The following FRMD4A variants were observed in gnomAD, a reference collection of about 807,000 sequenced individuals.
The protein encoded by FRMD4A is FERM domain containing 4A.
In FRMD4A, 29 loss-of-function variants were observed where a neutral mutation model predicts 129.1. That is an observed-to-expected ratio of 0.22 (90% CI 0.17 to 0.31). FRMD4A has a LOEUF of 0.31. Among genes scored for constraint, FRMD4A ranks in the 10% least tolerant of loss-of-function variants. FRMD4A has a pLI of 1.00. For missense variants in FRMD4A, 1,272 were observed against 1,375.8 expected (o/e 0.92, Z 1.19); for synonymous variants, 634 against 571.6 (o/e 1.11, Z -1.56).
At chr10:14,157,737 A>G (rs1456310671) in intron 2 of FRMD4A, among the ~76,000 whole-genome samples, 1 of 152,212 alleles carries the variant, frequency 6.6e-6, no homozygotes, top group Non-Finnish European at 1.5e-5. Context: ...GCGGATTTCT[A>G]ACAAATGAAA....
intron 2 of FRMD4A, among the ~76,000 whole-genome samples, chr10:14,029,722 A>G (rs1421561885): frequency 1.3e-5 from 2 of 151,904 alleles, no homozygotes; most frequent in Admixed American, 1.3e-4. Flanking sequence ...TAATCCAATT[A>G]TTAAATAAGT....
chr10:13,910,708 T>C (rs1035662037), intron 2 of FRMD4A, among the ~76,000 whole-genome samples: 11 of 152,166 alleles, frequency 7.2e-5, no homozygotes, highest in African/African-American at 1.9e-4. Flanking sequence ...AGATTTTTTT[T>C]CCACAAATAT....
chr10:13,857,844 T>C (rs2094235102), intron 3 of FRMD4A, among the ~76,000 whole-genome samples: 1 of 152,216 alleles, frequency 6.6e-6, no homozygotes, highest in South Asian at 2.1e-4. Flanking sequence ...AATGGTAAAC[T>C]TTTAAAGTCA....
At chr10:13,685,303 C>G (rs1369943559) in intron 15 of FRMD4A, 3 of 985,244 alleles carry the variant, frequency 3.0e-6, no homozygotes, top group Non-Finnish European at 1.2e-6. Context: ...TGCTTTCTGG[C>G]TAGATTCCAT....
At chr10:14,267,385 G>C (rs1217084794) in intron 2 of FRMD4A, among the ~76,000 whole-genome samples, 1 of 152,102 alleles carries the variant, frequency 6.6e-6, no homozygotes, top group Non-Finnish European at 1.5e-5. Flanking sequence ...CTGGTAAGTA[G>C]GTATTGCTCC....
intron 17 of FRMD4A, among the ~76,000 whole-genome samples, chr10:13,668,938 G>C (rs1437842487): frequency 6.6e-6 from 1 of 152,018 alleles, no homozygotes; most frequent in Non-Finnish European, 1.5e-5. Flanking sequence ...AGCATCACAA[G>C]TGCCAAGTAC....
chr10:13,714,040 A>ATATATATATATTT, intron 12 of FRMD4A, among the ~76,000 whole-genome samples: 1 of 37,116 alleles, frequency 2.7e-5, no homozygotes, highest in Admixed American at 4.7e-4. Flanking sequence ...ATATATATAT[A>ATATATATATATTT]TATATATATA....
At chr10:13,698,767 G>A (rs571042201) in intron 14 of FRMD4A, among the ~76,000 whole-genome samples, 1 of 152,328 alleles carries the variant, frequency 6.6e-6, no homozygotes, top group South Asian at 2.1e-4. Flanking sequence ...GGGTCCCAGA[G>A]CTGGAAAACA....
intron 3 of FRMD4A, among the ~76,000 whole-genome samples, chr10:13,856,014 C>CTATG (rs2094206843): frequency 7.6e-5 from 1 of 13,088 alleles, no homozygotes; most frequent in Non-Finnish European, 1.9e-4. Context: ...CACACAAATA[C>CTATG]TATCTATCTA....
chr10:14,152,701 A>T (rs541688050), intron 2 of FRMD4A, among the ~76,000 whole-genome samples: 1 of 152,254 alleles, frequency 6.6e-6, no homozygotes, highest in Non-Finnish European at 1.5e-5. Context: ...TTAGCTGGGC[A>T]TGGTGGTATG....
chr10:13,784,160 G>A (rs1335455536), intron 5 of FRMD4A, among the ~76,000 whole-genome samples: 1 of 152,158 alleles, frequency 6.6e-6, no homozygotes, highest in African/African-American at 2.4e-5. Context: ...GGTGAGGAAG[G>A]TGAAATGAGA....
At chr10:14,180,917 T>C (rs1221382700) in intron 2 of FRMD4A, among the ~76,000 whole-genome samples, 1 of 152,262 alleles carries the variant, frequency 6.6e-6, no homozygotes, top group African/African-American at 2.4e-5. Context: ...TGTATTTTAT[T>C]TACAATTCCT....
intron 2 of FRMD4A, among the ~76,000 whole-genome samples, chr10:14,004,568 G>C (rs549325950): frequency 1.3e-5 from 2 of 152,080 alleles, no homozygotes; most frequent in South Asian, 2.1e-4. Context: ...GAAAAAAAAA[G>C]ATACAAGCCA....
intron 2 of FRMD4A, among the ~76,000 whole-genome samples, chr10:13,983,832 T>C (rs1049932362): frequency 2.8e-5 from 4 of 145,056 alleles, no homozygotes; most frequent in African/African-American, 5.6e-5. Flanking sequence ...AAACCTCGTC[T>C]CTACTAAAAA....
chr10:14,186,444 A>G (rs74122394), intron 2 of FRMD4A, among the ~76,000 whole-genome samples: 27 of 152,302 alleles, frequency 1.8e-4, no homozygotes, highest in African/African-American at 6.3e-4. Flanking sequence ...ACCTCTTCTA[A>G]TAAAACTACT....
intron 9 of FRMD4A, among the ~76,000 whole-genome samples, chr10:13,746,604 G>T (rs1008130562): frequency 6.6e-6 from 1 of 152,148 alleles, no homozygotes; most frequent in African/African-American, 2.4e-5. Flanking sequence ...AAGACAAAAT[G>T]CTCATAATCC....
chr10:14,037,751 C>T (rs1833568590), intron 2 of FRMD4A, among the ~76,000 whole-genome samples: 1 of 152,164 alleles, frequency 6.6e-6, no homozygotes, highest in African/African-American at 2.4e-5. Flanking sequence ...TCCCTCCACT[C>T]TTATGTTACA....
chr10:13,700,201 G>A lies in FRMD4A; in HGVS notation c.975+1139C>T, dbSNP rs1388372643. 2.6e-5 allele frequency among the ~76,000 whole-genome samples: 4 copies of A among 151,656 alleles called. No individual in the cohort carries two copies. The South Asian group carries it at 6.3e-4, about 24-fold the overall frequency. ...GAGCTCAAGTGATCCTCCTGCCTTG[G>A]CCTCCCGAAGCGCTGAGACTACAGA... is the stretch of plus-strand genomic sequence containing the variant. On this transcript the variant is annotated intron_variant, in intron 14 of 24. Transcript: ENST00000357447.
At chr10:13,696,619 C>A (rs1017872730) in intron 14 of FRMD4A, among the ~76,000 whole-genome samples, 1 of 152,304 alleles carries the variant, frequency 6.6e-6, no homozygotes, top group East Asian at 1.9e-4. Flanking sequence ...TGGCACACGC[C>A]TGTAGTCCCA....
Sources: allele counts gnomAD v4.1 joint callset (sites outside exome capture counted in the v4.1 genomes callset), GRCh38; gene constraint gnomAD v4.1.1; transcripts MANE v1.5; gene names NCBI Gene and HGNC (gene_info 2026-07-23, HGNC 2026-07-21).